IGFL2: variants seen among roughly 807,000 people sequenced by gnomAD.
IGFL2 encodes the protein insulin growth factor-like family member 2.
A neutral mutation model predicts 13.9 loss-of-function variants in IGFL2; 7 were observed. That is an observed-to-expected ratio of 0.51 (90% CI 0.29 to 0.95). The LOEUF is 0.95. Ranked by LOEUF, IGFL2 falls within the 40% of genes least tolerant of loss-of-function variation. The pLI, the probability that IGFL2 is intolerant of heterozygous loss-of-function variation, is 0.08. For synonymous variants in IGFL2, 55 were observed against 55.8 expected (o/e 0.99, Z 0.07); for missense variants, 138 against 147.8 (o/e 0.93, Z 0.34).
the IGFL2 span, chr19:46,137,544 C>A: frequency 9.4e-7 from 1 of 1,068,768 alleles, no homozygotes; most frequent in Non-Finnish European, 1.4e-6. Context: ...AAGGGAATGT[C>A]CATGGAATCG....
chr19:46,107,722 G>A, the IGFL2 span, among the ~76,000 whole-genome samples: 2 of 152,154 alleles, frequency 1.3e-5, no homozygotes, highest in East Asian at 3.8e-4. Flanking sequence ...TGGGGTTTGA[G>A]GGCCGGAATC....
chr19:46,139,125 C>T (rs1025401131), upstream of IGFL2, among the ~76,000 whole-genome samples: 6 of 152,016 alleles, frequency 3.9e-5, no homozygotes, highest in African/African-American at 1.4e-4. Flanking sequence ...CTGTTCAGGG[C>T]CAGGAACAAG....
chr19:46,136,332 C>T, the IGFL2 span, among the ~76,000 whole-genome samples: 1 of 152,022 alleles, frequency 6.6e-6, no homozygotes, highest in Admixed American at 6.6e-5. Context: ...TAACTAGATT[C>T]ATACTTGTTT....
the IGFL2 span, among the ~76,000 whole-genome samples, chr19:46,079,526 A>G: frequency 6.6e-6 from 1 of 152,160 alleles, no homozygotes; most frequent in Non-Finnish European, 1.5e-5. Context: ...ACACGGGCTC[A>G]GAAGTTCTTT....
At chr19:46,080,414 TTAAAA>T in the IGFL2 span, among the ~76,000 whole-genome samples, 1 of 149,210 alleles carries the variant, frequency 6.7e-6, no homozygotes, top group Non-Finnish European at 1.5e-5. Context: ...AAGAATAAAT[TTAAAA>T]GGAAAGAGGT....
chr19:46,126,440 A>G, the IGFL2 span, among the ~76,000 whole-genome samples: 2 of 152,144 alleles, frequency 1.3e-5, no homozygotes, highest in East Asian at 3.8e-4. Context: ...ATTTTCTTTC[A>G]TCTATTCCTA....
At chr19:46,145,052 C>T (rs988170277), upstream of IGFL2, among the ~76,000 whole-genome samples, 1 of 152,024 alleles carries the variant, frequency 6.6e-6, no homozygotes, top group African/African-American at 2.4e-5. Flanking sequence ...GAGTTGTTTC[C>T]ACTTTTTTGC....
downstream of IGFL2, among the ~76,000 whole-genome samples, chr19:46,162,013 G>A (rs754316095): frequency 1.3e-5 from 2 of 152,178 alleles, no homozygotes; most frequent in African/African-American, 2.4e-5. Context: ...AGAGCTGGTC[G>A]TAATGAATTC....
At chr19:46,196,465 C>G in the IGFL2 span, among the ~76,000 whole-genome samples, 9 of 152,172 alleles carry the variant, frequency 5.9e-5, no homozygotes, top group African/African-American at 2.2e-4. Context: ...AACTACTCCC[C>G]AAACTTATGC....
chr19:46,192,971 C>G, the IGFL2 span, among the ~76,000 whole-genome samples: 3 of 148,676 alleles, frequency 2.0e-5, no homozygotes, highest in South Asian at 4.2e-4. Flanking sequence ...GGGTGGATCA[C>G]TTGAGGTCAG....
At chr19:46,168,890 A>G in the IGFL2 span, among the ~76,000 whole-genome samples, 1 of 149,508 alleles carries the variant, frequency 6.7e-6, no homozygotes, top group South Asian at 2.1e-4. Context: ...TGAATAGATC[A>G]GTAGATTGAG....
At chr19:46,114,853 C>T in the IGFL2 span, among the ~76,000 whole-genome samples, 2,768 of 152,282 alleles carry the variant, frequency 0.018, 91 homozygotes, top group African/African-American at 0.062. Context: ...TTGACTAATA[C>T]AGGTGCTTTT....
the IGFL2 span, among the ~76,000 whole-genome samples, chr19:46,131,004 A>G: frequency 2.0e-5 from 3 of 152,172 alleles, no homozygotes; most frequent in Non-Finnish European, 2.9e-5. Flanking sequence ...TAAGGAGGCC[A>G]TCTCCAACTT....
chr19:46,208,031 G>A, the IGFL2 span: 3 of 152,324 alleles, frequency 2.0e-5, no homozygotes, highest in Admixed American at 6.5e-5. Flanking sequence ...TACACTGAGC[G>A]TGGTGAACAG....
chr19:46,081,613 G>C, the IGFL2 span, among the ~76,000 whole-genome samples: 1 of 152,138 alleles, frequency 6.6e-6, no homozygotes, highest in Non-Finnish European at 1.5e-5. Context: ...AGTCTTGTCT[G>C]TGTATATGCA....
At chr19:46,185,684 C>T in the IGFL2 span, among the ~76,000 whole-genome samples, 1 of 152,236 alleles carries the variant, frequency 6.6e-6, no homozygotes. Context: ...CTGGTTAATA[C>T]ACCCAGTCTA....
chr19:46,120,479 T>G, the IGFL2 span: 2 of 1,407,740 alleles, frequency 1.4e-6, no homozygotes, highest in Admixed American at 4.1e-5. Flanking sequence ...ACCAGATGTG[T>G]AGATATCAAC....
At chr19:46,197,033 A>G in the IGFL2 span, 3 of 219,184 alleles carry the variant, frequency 1.4e-5, no homozygotes, top group Non-Finnish European at 2.9e-5. Context: ...AGTGGCCCCC[A>G]TGGGTGCTTA....
the IGFL2 span, among the ~76,000 whole-genome samples, chr19:46,101,995 G>A: frequency 2.0e-5 from 3 of 152,368 alleles, no homozygotes; most frequent in East Asian, 5.8e-4. Context: ...AACAGGCATA[G>A]CCTGGACCCA....
Sources: gnomAD v4.1 joint callset for allele counts (sites outside exome capture counted in the v4.1 genomes callset) on GRCh38, gnomAD v4.1.1 for gene constraint, MANE v1.5 for transcripts, NCBI Gene and HGNC (gene_info 2026-07-23, HGNC 2026-07-21) for gene names.